Variants in DNAH9 observed in about 807,000 individuals in gnomAD.
The protein encoded by DNAH9 is dynein axonemal heavy chain 9.
In DNAH9, 345 loss-of-function variants were observed where a neutral mutation model predicts 471.6. The ratio of observed to expected loss-of-function variants is 0.73; its 90% CI spans 0.67 to 0.80. The LOEUF (loss-of-function observed/expected upper bound fraction) is 0.80, where lower values mean the gene tolerates loss of function less well. Ranked by LOEUF, DNAH9 falls within the 30% of genes least tolerant of loss-of-function variation. The probability of loss-of-function intolerance (pLI) is 0.00; values close to 1 mark genes in which losing one functional copy is unlikely to be tolerated. For synonymous variants in DNAH9, 2,093 were observed against 2,123.6 expected (o/e 0.99, Z 0.40); for missense variants, 5,407 against 5,609.2 (o/e 0.96, Z 1.15).
rs1974602901 is a variant in DNAH9 at position 11,933,866 on chromosome 17, C to T, written c.12298-14C>T. Reference sequence around the variant, plus strand: ...TCTTTCTTCCTTCCTCTCTTTCTTTCCCCCATCACTCAGGTCCCCTATGAT... The same window carrying T: ...TCTTTCTTCCTTCCTCTCTTTCTTTTCCCCATCACTCAGGTCCCCTATGAT... On this transcript the variant is annotated splice_polypyrimidine_tract_variant and intron_variant, in intron 64 of 68. Coordinates refer to ENST00000262442, the MANE Select transcript of DNAH9 (RefSeq NM_001372.4). 1 of 1,600,278 alleles carries T rather than the reference C, an allele frequency of 6.2e-7. No homozygotes were observed. The highest frequency in any genetic ancestry group is 1.1e-5 in the South Asian group (1 of 89,454).
Position 11,902,919 on chromosome 17 carries a change from A to G in DNAH9, c.11600+7A>G. Reference sequence around the variant, plus strand: ...GGATGACCTATGCTTTGCGGTAGGAAACAGGGTGGTGGAAGGCCCAGCATA... The same window carrying G: ...GGATGACCTATGCTTTGCGGTAGGAGACAGGGTGGTGGAAGGCCCAGCATA... On this transcript the variant is annotated splice_region_variant and intron_variant, in intron 60 of 68. Coordinates refer to ENST00000262442, the MANE Select transcript of DNAH9 (RefSeq NM_001372.4). 1 of 1,611,100 alleles carries G rather than the reference A, an allele frequency of 6.2e-7. No individual in the cohort carries two copies. Among genetic ancestry groups the G allele is most frequent in the Non-Finnish European group, 8.5e-7 (1 of 1,179,014 alleles).
chr17:11,822,339 C>T, intron 46 of DNAH9, 99 bp from the exon 47 acceptor site: 3 of 1,401,576 alleles, frequency 2.1e-6, no homozygotes, highest in Non-Finnish European at 3.0e-6. Flanking sequence ...GATGTGCTTC[C>T]CAATCTTCTG....
intron 15 of DNAH9, among the ~76,000 whole-genome samples, chr17:11,668,824 A>C (rs942501956): frequency 6.6e-6 from 1 of 152,142 alleles, no homozygotes. Flanking sequence ...TGCAGTACCC[A>C]GGAGAGCCCT....
At chr17:11,653,719 A>G (rs1173935583) in intron 14 of DNAH9, among the ~76,000 whole-genome samples, 2 of 152,182 alleles carry the variant, frequency 1.3e-5, no homozygotes, top group African/African-American at 4.8e-5. Context: ...CTTAAGCACT[A>G]ATGATTACCA....
intron 49 of DNAH9, among the ~76,000 whole-genome samples, chr17:11,845,884 T>A (rs1485464352): frequency 6.8e-6 from 1 of 146,406 alleles, no homozygotes; most frequent in Non-Finnish European, 1.5e-5. Flanking sequence ...TTGAGTTCAT[T>A]GTAGATTCTG....
At chr17:11,968,601 T>C (rs1976932070) in intron 68 of DNAH9, among the ~76,000 whole-genome samples, 5 of 152,226 alleles carry the variant, frequency 3.3e-5, no homozygotes, top group Admixed American at 3.3e-4. Flanking sequence ...TTCAGTGTGG[T>C]AGTGTATGTT....
intron 35 of DNAH9, among the ~76,000 whole-genome samples, chr17:11,759,269 C>T (rs1967545538): frequency 6.6e-6 from 1 of 151,944 alleles, no homozygotes; most frequent in Non-Finnish European, 1.5e-5. Flanking sequence ...AACCCTCAAC[C>T]CCCTGCCACC....
At position 11,693,967 on chromosome 17, in the gene DNAH9, C is replaced by T. The variant is rs775014101; in HGVS notation, c.4714C>T (p.Leu1572=). 8 of 1,614,058 alleles carry T rather than the reference C, an allele frequency of 5.0e-6. No homozygotes were observed. The East Asian group carries it at 1.8e-4, about 36-fold the overall frequency. ...NVVQTTNKPG[L]YEKLEDIQGR... is the part of the protein sequence containing the mutation. ...AGTGCAAACCACCAACAAGCCAGGCCTGTATGAAAAGCTGGAGGATATTCA... is the reference window on the plus strand; with the variant it reads ...AGTGCAAACCACCAACAAGCCAGGCTTGTATGAAAAGCTGGAGGATATTCA... The change falls in exon 21 of 69, where the codon CTG becomes TTG. Residue 1572 remains leucine, a synonymous_variant. Coordinates refer to ENST00000262442, the MANE Select transcript of DNAH9 (RefSeq NM_001372.4).
chr17:11,673,082 G>A (rs1034138892), intron 17 of DNAH9, among the ~76,000 whole-genome samples: 1 of 152,172 alleles, frequency 6.6e-6, no homozygotes, highest in African/African-American at 2.4e-5. Context: ...CCCTGATGAA[G>A]CAAAATCAAA....
In DNAH9 at chr17:11,867,007, C is replaced by T. The variant is rs371345784; in HGVS notation, c.9934-2127C>T. Among the ~76,000 whole-genome samples, 18 of 152,360 alleles carry T rather than the reference C, an allele frequency of 1.2e-4. No individual in the cohort carries two copies. The East Asian group carries it at 1.4e-3, about 11-fold the overall frequency. ...CAATGCCTCGCCCTGCTTCAGCTCGCGCATGGTGCGCTGCACCCACTGACC... is the reference window on the plus strand; with the variant it reads ...CAATGCCTCGCCCTGCTTCAGCTCGTGCATGGTGCGCTGCACCCACTGACC... On this transcript the variant is annotated intron_variant, in intron 50 of 68. Coordinates refer to ENST00000262442, the MANE Select transcript of DNAH9 (RefSeq NM_001372.4).
chr17:11,923,502 G>A (rs1230850283), intron 61 of DNAH9, among the ~76,000 whole-genome samples: 2 of 152,114 alleles, frequency 1.3e-5, no homozygotes, highest in Non-Finnish European at 2.9e-5. Context: ...TAGCAGAGAT[G>A]GGGTTTCACT....
chr17:11,850,534 G>C (rs1452430123), intron 49 of DNAH9, among the ~76,000 whole-genome samples: 2 of 151,970 alleles, frequency 1.3e-5, no homozygotes, highest in Non-Finnish European at 2.9e-5. Context: ...TGTAATCCCA[G>C]CTGTAATTTG....
At chr17:11,683,089 A>G (rs112769656) in intron 19 of DNAH9, among the ~76,000 whole-genome samples, 1 of 152,324 alleles carries the variant, frequency 6.6e-6, no homozygotes, top group African/African-American at 2.4e-5. Context: ...AATACTACTT[A>G]GTGTTAACAA....
chr17:11,757,729 A>C (rs776948772), intron 35 of DNAH9, 37 bp downstream of exon 35: 4 of 1,605,622 alleles, frequency 2.5e-6, no homozygotes, highest in Admixed American at 1.7e-5. Flanking sequence ...GAGTTAAAGC[A>C]GCAATAAAAA....
At chr17:11,617,715 C>A (rs192361544) in intron 5 of DNAH9, 93 bp downstream of exon 5, 3 of 869,212 alleles carry the variant, frequency 3.5e-6, no homozygotes, top group Non-Finnish European at 3.7e-6. Context: ...TTTTTCTGGG[C>A]GAGGAAATAA....
intron 48 of DNAH9, among the ~76,000 whole-genome samples, chr17:11,826,705 G>A (rs1386959128): frequency 9.9e-5 from 15 of 150,770 alleles, no homozygotes; most frequent in South Asian, 6.3e-4. Context: ...CTCGTGATCC[G>A]CCCGCCTCGG....
In DNAH9 at chr17:11,604,163, C is replaced by T. The variant is rs544807768; in HGVS notation, c.418-3966C>T. Among the ~76,000 whole-genome samples, 9 of 152,124 alleles carry T rather than the reference C, an allele frequency of 5.9e-5. No homozygotes were observed. The South Asian group carries it at 1.7e-3, about 28-fold the overall frequency. ...TCAGCCTCCCGAGTAGCTAAGATTA[C>T]AGGTGCCCGCCACCATGCCCAACTA... On this transcript the variant is annotated intron_variant, in intron 1 of 68. Coordinates refer to ENST00000262442, the MANE Select transcript of DNAH9 (RefSeq NM_001372.4).
intron 1 of DNAH9, among the ~76,000 whole-genome samples, chr17:11,603,429 T>A (rs567380662): frequency 3.3e-5 from 5 of 152,334 alleles, no homozygotes; most frequent in Admixed American, 3.3e-4. Flanking sequence ...AACTCTTATG[T>A]CCACTTTGAC....
chr17:11,891,642 G>A, intron 57 of DNAH9, 135 bp from the exon 58 acceptor site: 1 of 1,029,572 alleles, frequency 9.7e-7, no homozygotes, highest in Non-Finnish European at 1.4e-6. Context: ...TGTGATCACA[G>A]GCATGAGCCA....
Sources: gnomAD v4.1 joint callset for allele counts (sites outside exome capture counted in the v4.1 genomes callset) on GRCh38, gnomAD v4.1.1 for gene constraint, MANE v1.5 for transcripts, NCBI Gene and HGNC (gene_info 2026-07-23, HGNC 2026-07-21) for gene names.